Variants in PCDHGA10 observed in about 807,000 individuals in gnomAD.
PCDHGA10 encodes protocadherin gamma subfamily A, 10.
PCDHGA10 carries 42 observed loss-of-function variants against 59.5 expected under a neutral mutation model. That is an observed-to-expected ratio of 0.71 (90% CI 0.55 to 0.91). The LOEUF (loss-of-function observed/expected upper bound fraction) is 0.91, where lower values mean the gene tolerates loss of function less well. PCDHGA10 is among the 40% of genes least tolerant of loss of function. The pLI is 0.00. For missense variants in PCDHGA10, 1,111 were observed against 1,198.2 expected (o/e 0.93, Z 1.07); for synonymous variants, 511 against 517.2 (o/e 0.99, Z 0.16).
intron 1 of PCDHGA10, among the ~76,000 whole-genome samples, chr5:141,461,958 G>C (rs1048690044): frequency 4.5e-4 from 69 of 152,272 alleles, no homozygotes; most frequent in Non-Finnish European, 2.9e-4. Context: ...TGAGTAGCTG[G>C]GATTCCAGGC....
rs201538255 is a variant in PCDHGA10 at position 141,476,796 on chromosome 5, G to A, written c.2437-18011G>A. 10 of 1,613,584 alleles carry A rather than the reference G, an allele frequency of 6.2e-6. No individual in the cohort carries two copies. In the East Asian group the frequency reaches 2.2e-4, roughly 36 times the overall value. On this transcript the variant is annotated intron_variant, in intron 1 of 3. Transcript: ENST00000398610. This position sits in a 1 kb window ranked among gnomAD's most constrained non-coding sequence, Gnocchi z 7.6. Reference sequence around the variant, plus strand: ...GGAGGGACCCCAGCTCTCTCCGCCAGCCTGCCTATTCACATCAAGGTGCTG... The same window carrying A: ...GGAGGGACCCCAGCTCTCTCCGCCAACCTGCCTATTCACATCAAGGTGCTG...
In PCDHGA10 at chr5:141,415,293, C is replaced by T; in HGVS notation, c.2118C>T (p.Cys706=). 6.2e-7 allele frequency: 1 copy of T among 1,614,192 alleles called. No individual in the cohort carries two copies. Among genetic ancestry groups the T allele is most frequent in the Non-Finnish European group, 8.5e-7 (1 of 1,180,032 alleles). ...TGGTAGCGGTGGCCGCGGTCTCCTG[C>T]GTCTTCCTGGCCTTCGTCATCGTGC... ...YLVVAVAAVS[C]VFLAFVIVLL... is the part of the protein sequence containing the mutation. The change falls in exon 1 of 4, where the codon TGC becomes TGT. Residue 706 remains cysteine (C), a synonymous_variant. Transcript: ENST00000398610.
At chr5:141,427,637 C>T (rs771573587) in intron 1 of PCDHGA10, 5 of 707,806 alleles carry the variant, frequency 7.1e-6, no homozygotes, top group Non-Finnish European at 1.3e-5. Context: ...CGGTTTTCCA[C>T]CAAGTCTCCT....
At position 141,485,184 on chromosome 5, in the gene PCDHGA10, A is replaced by G. The variant is rs1415940980; in HGVS notation, c.2437-9623A>G. ...TAGCGGGCGGCAGCAATGCTCCGCA[A>G]GGTGAGAAGCTGGACAGAAATCTGG... On this transcript the variant is annotated intron_variant, in intron 1 of 3. Transcript: ENST00000398610. This position sits in a 1 kb window ranked among gnomAD's most constrained non-coding sequence, Gnocchi z 5.7. The G allele has an allele frequency of 6.2e-7, 1 of 1,613,152 alleles. No individual in the cohort carries two copies. The highest frequency in any genetic ancestry group is 1.3e-5 in the African/African-American group (1 of 74,938).
At chr5:141,459,938 C>T (rs373341229) in intron 1 of PCDHGA10, among the ~76,000 whole-genome samples, 4 of 152,148 alleles carry the variant, frequency 2.6e-5, no homozygotes, top group African/African-American at 4.8e-5. Context: ...TGTAGCTGGG[C>T]GTGATGGCAG....
chr5:141,419,258 C>G lies in PCDHGA10; in HGVS notation c.2436+3647C>G, dbSNP rs761740232. The G allele has an allele frequency of 2.5e-6, 4 of 1,614,028 alleles. No individual in the cohort carries two copies. The Admixed American group carries it at 6.7e-5, about 27-fold the overall frequency. ...GGTCCACGTGCCAGAAAACAACCAG[C>G]CGGGTGCCTCCATAGCGCAAGTCAG... On this transcript the variant is annotated intron_variant, in intron 1 of 3. Transcript: ENST00000398610.
intron 1 of PCDHGA10, chr5:141,422,919 G>A (rs1445179310): frequency 3.7e-6 from 6 of 1,614,238 alleles, no homozygotes; most frequent in Non-Finnish European, 5.1e-6. Flanking sequence ...CCGAGATCCT[G>A]TACCCTGCCC....
chr5:141,416,523 C>G (rs2096035969), intron 1 of PCDHGA10: 1 of 152,064 alleles, frequency 6.6e-6, no homozygotes, highest in Admixed American at 6.6e-5. Flanking sequence ...TTCAGTGGCT[C>G]TTTAATGTAT....
intron 1 of PCDHGA10, among the ~76,000 whole-genome samples, chr5:141,437,145 T>C (rs191316470): frequency 3.9e-5 from 6 of 152,364 alleles, no homozygotes; most frequent in Admixed American, 3.9e-4. Flanking sequence ...GGATTCATAA[T>C]TAACATATGT....
At chr5:141,427,570 C>T (rs1487817661) in intron 1 of PCDHGA10, 1 of 662,270 alleles carries the variant, frequency 1.5e-6, no homozygotes, top group Admixed American at 2.1e-5. Context: ...GGCAAGCCTC[C>T]GCTCTCATCC....
rs1027897777 is a variant in PCDHGA10, at chr5:141,510,812, C to T, written c.2585-135C>T. 151 of 1,531,674 alleles carry T rather than the reference C, an allele frequency of 9.9e-5. 1 individual carries two copies. The highest frequency in any genetic ancestry group is 2.5e-5 in the South Asian group (2 of 80,152). 94.9% of individuals were successfully genotyped at this position (1,531,674 alleles called of 1,614,324 possible). A position where few individuals can be genotyped will look rare whatever the true frequency, so the allele number is the denominator to read the frequency against. On this transcript the variant is annotated intron_variant, in intron 3 of 3. Coordinates refer to ENST00000398610, the MANE Select transcript of PCDHGA10 (RefSeq NM_018913.3). ...TGTGAAGAGAGACTACCTTGGTGAC[C>T]CCTATATTCCCAGTGCTCAGCGTGG...
rs1481573261 is a variant in PCDHGA10 at position 141,413,035 on chromosome 5, C to A, written c.-141C>A. The A allele has an allele frequency of 2.5e-6, 2 of 800,134 alleles. No homozygotes were observed. Among genetic ancestry groups the A allele is most frequent in the African/African-American group, 1.7e-5 (1 of 57,300 alleles). 49.6% of individuals were successfully genotyped at this position (800,134 alleles called of 1,614,324 possible). On this transcript the variant is annotated 5_prime_UTR_variant, in exon 1 of 4. The change creates a new upstream start codon in the 5' untranslated region. Coordinates refer to ENST00000398610, the MANE Select transcript of PCDHGA10 (RefSeq NM_018913.3). ...CTACACAAGCCCCACAAACCGGCTG[C>A]TGGGCTGCAGGGAAGCTCACTCCAG...
intron 1 of PCDHGA10, chr5:141,416,320 A>G (rs1482631457): frequency 1.3e-5 from 2 of 152,208 alleles, no homozygotes; most frequent in East Asian, 1.9e-4. Flanking sequence ...TAGCATTTTA[A>G]TTTAACTTTC....
At position 141,502,665 on chromosome 5, in the gene PCDHGA10, A is replaced by G. The variant is rs192555506; in HGVS notation, c.2496-2728A>G. The stretch of plus-strand genomic sequence containing the variant: ...GAGATAGGCAGCAACCCTTCATGCA[A>G]TTTTAGTATTCCCTGATGATCCTTG... On this transcript the variant is annotated intron_variant, in intron 2 of 3. Transcript: ENST00000398610. 3.7e-3 allele frequency among the ~76,000 whole-genome samples: 568 copies of G among 152,330 alleles called. 1 individual carries two copies. Among genetic ancestry groups the G allele is most frequent in the African/African-American group, 0.013 (544 of 41,584 alleles).
At chr5:141,433,352 T>G (rs976015031) in intron 1 of PCDHGA10, 1 of 614,162 alleles carries the variant, frequency 1.6e-6, no homozygotes, top group Admixed American at 3.0e-5. Flanking sequence ...AGCCACCTAC[T>G]GTCTGCCTAT....
chr5:141,447,428 G>A (rs542079336), intron 1 of PCDHGA10, among the ~76,000 whole-genome samples: 4 of 152,182 alleles, frequency 2.6e-5, no homozygotes, highest in East Asian at 1.9e-4. Flanking sequence ...GTGAGCCACC[G>A]CACCCGGAGG....
chr5:141,490,346 TG>T lies in PCDHGA10; in HGVS notation c.2437-4457del, dbSNP rs1458588422. ...GAGAGCACACCAGTGGGCACAGTAG[TG>T]GGGTTGTTTAATGTGCGAGACCGGG... On this transcript the variant is annotated intron_variant, in intron 1 of 3. Coordinates refer to ENST00000398610, the MANE Select transcript of PCDHGA10 (RefSeq NM_018913.3). The surrounding 1 kb of genome is among the most constrained non-coding windows in gnomAD (Gnocchi z 5.4). 1.2e-6 allele frequency: 2 copies of T among 1,614,164 alleles called. No individual in the cohort carries two copies. The highest frequency in any genetic ancestry group is 3.3e-5 in the Admixed American group (2 of 60,032).
chr5:141,427,096 T>A, intron 1 of PCDHGA10: 1 of 458,056 alleles, frequency 2.2e-6, no homozygotes, highest in Non-Finnish European at 4.4e-6. Flanking sequence ...GATGAGGGTG[T>A]CAATGCGGAG....
chr5:141,504,546 G>A (rs911626023), intron 2 of PCDHGA10, among the ~76,000 whole-genome samples: 5 of 151,802 alleles, frequency 3.3e-5, no homozygotes, highest in African/African-American at 1.2e-4. Flanking sequence ...CATGGCAAAT[G>A]TTGGGGGACT....
Sources: gnomAD v4.1 joint callset for allele counts (sites outside exome capture counted in the v4.1 genomes callset) on GRCh38, gnomAD v4.1.1 for gene constraint, Gnocchi (gnomAD v3.1) non-coding constraint, MANE v1.5 for transcripts, NCBI Gene and HGNC (gene_info 2026-07-23, HGNC 2026-07-21) for gene names.